Variants in EHMT1 observed in about 807,000 individuals in gnomAD.
EHMT1 encodes the protein euchromatic histone lysine methyltransferase 1.
EHMT1 carries 15 observed loss-of-function variants against 147.2 expected under a neutral mutation model. The ratio of observed to expected loss-of-function variants is 0.10; its 90% CI spans 0.07 to 0.16. The LOEUF is 0.16. EHMT1 is among the 10% of genes least tolerant of loss of function. EHMT1 has a pLI of 1.00. For missense variants in EHMT1, 1,587 were observed against 1,772.4 expected (o/e 0.90, Z 1.88); for synonymous variants, 795 against 709.6 (o/e 1.12, Z -1.91).
At chr9:137,829,382 A>G (rs934300363) in intron 25 of EHMT1, among the ~76,000 whole-genome samples, 6 of 152,186 alleles carry the variant, frequency 3.9e-5, no homozygotes, top group Middle Eastern at 3.2e-3. Flanking sequence ...GGAGACTCCT[A>G]TTCCCCCACT....
In EHMT1 at chr9:137,775,609, C is replaced by G. The variant is rs949613817; in HGVS notation, c.1791+357C>G. The stretch of plus-strand genomic sequence containing the variant: ...GCAGTGGTGAGGGGCTTGTGACGCA[C>G]TGGAGACTCCAGGTGGAGGCTGTAC... On this transcript the variant is annotated intron_variant, in intron 11 of 26. Transcript: ENST00000460843. This position sits in a 1 kb window ranked among gnomAD's most constrained non-coding sequence, Gnocchi z 6.1. 2.0e-5 allele frequency among the ~76,000 whole-genome samples: 3 copies of G among 151,834 alleles called. No individual in the cohort carries two copies. The highest frequency in any genetic ancestry group is 7.3e-5 in the African/African-American group (3 of 41,362).
At chr9:137,649,593 C>T (rs1305579289) in intron 1 of EHMT1, among the ~76,000 whole-genome samples, 6 of 152,124 alleles carry the variant, frequency 3.9e-5, no homozygotes, top group African/African-American at 9.7e-5. Context: ...GAGATGAAGT[C>T]GTCGTAGATT....
intron 1 of EHMT1, among the ~76,000 whole-genome samples, chr9:137,627,517 A>C (rs980734097): frequency 1.3e-5 from 2 of 151,346 alleles, no homozygotes; most frequent in Admixed American, 6.6e-5. Flanking sequence ...TGCCCACCTC[A>C]GCCTCCCAAA....
At chr9:137,754,050 G>A (rs1009905742) in intron 7 of EHMT1, 121 bp from the exon 8 acceptor site, 7 of 1,527,620 alleles carry the variant, frequency 4.6e-6, no homozygotes, top group Middle Eastern at 1.7e-4. Context: ...TAAGTTCACC[G>A]TTTAATTGAA....
intron 3 of EHMT1, among the ~76,000 whole-genome samples, chr9:137,721,133 C>T (rs1352917121): frequency 1.3e-5 from 2 of 151,476 alleles, no homozygotes; most frequent in South Asian, 2.1e-4. Flanking sequence ...AGCATCCTCT[C>T]CCAGACTTCT....
At position 137,715,710 on chromosome 9, in the gene EHMT1, C is replaced by G. The variant is rs1005643484; in HGVS notation, c.86-916C>G. 4 of 985,264 alleles carry G rather than the reference C, an allele frequency of 4.1e-6. No individual in the cohort carries two copies. In the African/African-American group the frequency reaches 5.2e-5, roughly 13 times the overall value. The allele number at this position is 985,264 out of a possible 1,614,324, so 61.0% of individuals were successfully genotyped here. ...GGATATGATTTCCTGGGGTTGTCAT[C>G]GGAGAGTGAGCCTCTGTAGGGAGTG... On this transcript the variant is annotated intron_variant, in intron 2 of 26. Transcript: ENST00000460843.
rs748836917 is a variant in EHMT1, at chr9:137,732,551, G to A, written c.823+4022G>A. Reference sequence around the variant, plus strand: ...CTGGGGGTTTATGTGGGCTCAGAATGGAGGAAGTGCATGAAGTGCATGCTG... The same window carrying A: ...CTGGGGGTTTATGTGGGCTCAGAATAGAGGAAGTGCATGAAGTGCATGCTG... On this transcript the variant is annotated intron_variant, in intron 4 of 26. Coordinates refer to ENST00000460843, the MANE Select transcript of EHMT1 (RefSeq NM_024757.5). The surrounding 1 kb of genome is among the most constrained non-coding windows in gnomAD (Gnocchi z 4.6). Among the ~76,000 whole-genome samples the A allele has an allele frequency of 6.6e-5, 10 of 152,214 alleles. No homozygotes were observed. Among genetic ancestry groups the A allele is most frequent in the South Asian group, 6.2e-4 (3 of 4,824 alleles).
At chr9:137,816,643 C>T (rs558584652) in intron 23 of EHMT1, 11 of 168,988 alleles carry the variant, frequency 6.5e-5, no homozygotes, top group Admixed American at 5.5e-4. Context: ...CAAATGTGCC[C>T]GAGATTGGAG....
chr9:137,766,649 GT>G (rs1950238704), intron 10 of EHMT1, among the ~76,000 whole-genome samples: 1 of 152,118 alleles, frequency 6.6e-6, no homozygotes, highest in African/African-American at 2.4e-5. Flanking sequence ...TACCTGTTTT[GT>G]TTTAAAGGCT....
chr9:137,794,205 C>G (rs4876944), intron 16 of EHMT1, among the ~76,000 whole-genome samples: 42,873 of 152,042 alleles, frequency 0.28, 6,574 homozygotes, highest in Admixed American at 0.41. Flanking sequence ...ATAATTTTAC[C>G]ATTTTTAGTC....
chr9:137,681,379 A>C (rs1228777589), intron 1 of EHMT1, among the ~76,000 whole-genome samples: 1 of 152,202 alleles, frequency 6.6e-6, no homozygotes. Flanking sequence ...TAGCTGCATT[A>C]CACATCCCAC....
At chr9:137,716,567 G>A in intron 2 of EHMT1, 59 bp from the exon 3 acceptor site, 1 of 1,500,512 alleles carries the variant, frequency 6.7e-7, no homozygotes, top group African/African-American at 1.4e-5. Context: ...AGTGGTGGTG[G>A]TGGTGGTGCC....
intron 16 of EHMT1, among the ~76,000 whole-genome samples, chr9:137,793,411 G>C (rs1235088231): frequency 6.6e-6 from 1 of 152,224 alleles, no homozygotes; most frequent in East Asian, 1.9e-4. Flanking sequence ...CAGAGGATGT[G>C]GCAATATCGG....
At chr9:137,715,710 C>A in intron 2 of EHMT1, 1 of 985,382 alleles carries the variant, frequency 1.0e-6, no homozygotes. Context: ...GGGTTGTCAT[C>A]GGAGAGTGAG....
At chr9:137,815,126 G>A (rs1954817721) in intron 22 of EHMT1, among the ~76,000 whole-genome samples, 1 of 152,132 alleles carries the variant, frequency 6.6e-6, no homozygotes, top group South Asian at 2.1e-4. Flanking sequence ...CATGGCCTGG[G>A]TAAAGAGACG....
intron 1 of EHMT1, among the ~76,000 whole-genome samples, chr9:137,661,738 T>A (rs991008691): frequency 6.6e-6 from 1 of 152,106 alleles, no homozygotes; most frequent in African/African-American, 2.4e-5. Flanking sequence ...CACCCACCTC[T>A]GCCTCCCAAT....
intron 3 of EHMT1, among the ~76,000 whole-genome samples, chr9:137,723,550 G>A (rs913807469): frequency 2.7e-5 from 4 of 149,094 alleles, no homozygotes; most frequent in East Asian, 2.0e-4. Flanking sequence ...GCCTGAGCCC[G>A]GGGTGTGTCC....
At chr9:137,693,424 T>G (rs1280450564) in intron 1 of EHMT1, among the ~76,000 whole-genome samples, 1 of 152,124 alleles carries the variant, frequency 6.6e-6, no homozygotes, top group African/African-American at 2.4e-5. Flanking sequence ...TTGTTCCCAT[T>G]TTACTGCAGA....
In EHMT1 at chr9:137,741,018, C is replaced by G. The variant is rs377200583; in HGVS notation, c.824-2353C>G. Among the ~76,000 whole-genome samples, 63 of 151,220 alleles carry G rather than the reference C, an allele frequency of 4.2e-4. No homozygotes were observed. In the South Asian group the frequency reaches 0.013, roughly 31 times the overall value. ...TTGAGACAGAGTCTCGCTGTGTTGC[C>G]CAGGCTGGAGTGCAGTGGTGCGATC... On this transcript the variant is annotated intron_variant, in intron 4 of 26. Coordinates refer to ENST00000460843, the MANE Select transcript of EHMT1 (RefSeq NM_024757.5).
Sources: allele counts gnomAD v4.1 joint callset (sites outside exome capture counted in the v4.1 genomes callset), GRCh38; gene constraint gnomAD v4.1.1; non-coding constraint Gnocchi (gnomAD v3.1); transcripts MANE v1.5; gene names NCBI Gene and HGNC (gene_info 2026-07-23, HGNC 2026-07-21).